SYT16: variants seen among roughly 807,000 people sequenced by gnomAD.
The protein encoded by SYT16 is synaptotagmin 16, also known as synaptotagmin-16.
SYT16 carries 42 observed loss-of-function variants against 61.4 expected under a neutral mutation model. The observed-to-expected ratio is 0.68, with a 90% CI of 0.53 to 0.89. The LOEUF (loss-of-function observed/expected upper bound fraction) is 0.89, where lower values mean the gene tolerates loss of function less well. Ranked by LOEUF, SYT16 falls within the 40% of genes least tolerant of loss-of-function variation. The pLI is 0.00. For missense variants in SYT16, 804 were observed against 807.3 expected, an observed-to-expected ratio of 1.00 and a Z score of 0.05; for synonymous variants, 314 against 302.3, an observed-to-expected ratio of 1.04 and a Z score of -0.40.
At chr14:61,897,086 G>A (rs552521695) in intron 1 of SYT16, among the ~76,000 whole-genome samples, 52 of 152,318 alleles carry the variant, frequency 3.4e-4, no homozygotes, top group Middle Eastern at 3.4e-3. Context: ...ACATTATGTG[G>A]AATTCAAGTT....
At chr14:62,000,955 A>C (rs185509666) in intron 3 of SYT16, among the ~76,000 whole-genome samples, 1 of 152,180 alleles carries the variant, frequency 6.6e-6, no homozygotes, top group East Asian at 1.9e-4. Flanking sequence ...ATAAGACAAA[A>C]AAAGGCTGAG....
chr14:62,103,978 A>T lies in SYT16; in HGVS notation c.*3271A>T, dbSNP rs2057468142. ...CAGCTTCTGCCTTTTCAATGTGTAGATTTCATGATATTTTACAAATTATTG... is the reference window on the plus strand; with the variant it reads ...CAGCTTCTGCCTTTTCAATGTGTAGTTTTCATGATATTTTACAAATTATTG... On this transcript the variant is annotated 3_prime_UTR_variant, in exon 8 of 8. Transcript: ENST00000683842. 6.6e-6 allele frequency: 1 copy of T among 152,178 alleles called. No individual in the cohort carries two copies. Among genetic ancestry groups the T allele is most frequent in the South Asian group, 2.1e-4 (1 of 4,828 alleles). 9.4% of individuals were successfully genotyped at this position (152,178 alleles called of 1,614,324 possible).
In SYT16 at chr14:62,100,763, T is replaced by G; in HGVS notation, c.*56T>G. 6.5e-7 allele frequency: 1 copy of G among 1,541,886 alleles called. No homozygotes were observed. The highest frequency in any genetic ancestry group is 8.8e-7 in the Non-Finnish European group (1 of 1,140,310). Reference sequence around the variant, plus strand: ...CACCTTGGTTACCTGTGTTGCTGTCTACTGACACTAAGTGTCCTGGCAAGG... The same window carrying G: ...CACCTTGGTTACCTGTGTTGCTGTCGACTGACACTAAGTGTCCTGGCAAGG... On this transcript the variant is annotated 3_prime_UTR_variant, in exon 8 of 8. Coordinates refer to ENST00000683842, the MANE Select transcript of SYT16 (RefSeq NM_001367656.1).
intron 3 of SYT16, among the ~76,000 whole-genome samples, chr14:62,034,580 A>G (rs1360397661): frequency 6.6e-6 from 1 of 152,166 alleles, no homozygotes; most frequent in East Asian, 1.9e-4. Context: ...CAACATGCAA[A>G]TGAAAGAAGT....
intron 3 of SYT16, among the ~76,000 whole-genome samples, chr14:62,003,237 C>T (rs947865286): frequency 6.6e-6 from 1 of 152,008 alleles, no homozygotes; most frequent in African/African-American, 2.4e-5. Context: ...GTTCCCCTTC[C>T]TCATGACTGT....
At chr14:61,946,465 T>A (rs2050442127) in intron 1 of SYT16, among the ~76,000 whole-genome samples, 1 of 152,194 alleles carries the variant, frequency 6.6e-6, no homozygotes. Context: ...GGATACAATT[T>A]TCACTATTCA....
intron 2 of SYT16, among the ~76,000 whole-genome samples, chr14:61,982,206 T>C (rs1239513505): frequency 1.3e-5 from 2 of 152,202 alleles, no homozygotes; most frequent in African/African-American, 2.4e-5. Context: ...GTAGTCCACA[T>C]AGAAACACTC....
At chr14:62,002,989 C>T (rs74716828) in intron 3 of SYT16, among the ~76,000 whole-genome samples, 6,971 of 152,088 alleles carry the variant, frequency 0.046, 181 homozygotes, top group African/African-American at 0.061. Context: ...TGAGAACTTA[C>T]ACATTATTAT....
downstream of SYT16, chr14:62,112,652 A>G (rs983283728): frequency 6.6e-6 from 1 of 152,218 alleles, no homozygotes; most frequent in South Asian, 2.1e-4. Context: ...TTTAGTATAT[A>G]CAAAAACCAT....
intron 1 of SYT16, among the ~76,000 whole-genome samples, chr14:61,916,967 C>G (rs1314898874): frequency 1.3e-5 from 2 of 152,098 alleles, no homozygotes; most frequent in Non-Finnish European, 2.9e-5. Context: ...ATATATGACA[C>G]ATTTTCTTTA....
At chr14:62,000,254 A>G (rs966022583) in intron 3 of SYT16, among the ~76,000 whole-genome samples, 2 of 151,232 alleles carry the variant, frequency 1.3e-5, no homozygotes, top group East Asian at 3.9e-4. Flanking sequence ...AGCTCTGTTA[A>G]GTACGTACAT....
intron 1 of SYT16, among the ~76,000 whole-genome samples, chr14:61,957,782 TTTGTCTGGTG>T (rs1054739518): frequency 5.8e-4 from 88 of 152,040 alleles, no homozygotes; most frequent in African/African-American, 2.1e-3. Flanking sequence ...TTGTGGTGGT[TTTGTCTGGTG>T]TTGGTATTTG....
chr14:62,000,222 G>A (rs952989788), intron 3 of SYT16, among the ~76,000 whole-genome samples: 1 of 142,954 alleles, frequency 7.0e-6, no homozygotes, highest in Non-Finnish European at 1.5e-5. Flanking sequence ...ATTTCTGTCA[G>A]TTTTTGCTTT....
intron 1 of SYT16, among the ~76,000 whole-genome samples, chr14:61,817,187 C>A (rs1032704332): frequency 2.0e-5 from 3 of 151,696 alleles, no homozygotes; most frequent in Non-Finnish European, 4.4e-5. Context: ...GAGGCCGAGG[C>A]GGGTGGATCG....
chr14:62,051,260 C>T (rs1053517310), intron 3 of SYT16, among the ~76,000 whole-genome samples: 5 of 152,246 alleles, frequency 3.3e-5, no homozygotes, highest in African/African-American at 1.2e-4. Context: ...CGGCTTAGGA[C>T]CCTCCGAGCC....
rs761115481 is a variant in SYT16 at position 61,996,477 on chromosome 14, G to A, written c.458G>A (p.Gly153Asp). Residue 153 changes from glycine (G) to aspartate (D), a missense_variant, in exon 3 of 8, where the codon GGC becomes GAC. By Grantham distance (94) the Gly-to-Asp change is moderately conservative. Transcript: ENST00000683842. The stretch of plus-strand genomic sequence containing the variant: ...CATCACCTTGAAAAGCAAAGAAGTG[G>A]CCTTCAACATGGCTTTGACAGCCAG... The part of the protein sequence containing the change: ...EEHHLEKQRS[G>D]LQHGFDSQLP... 1 of 1,613,228 alleles carries A rather than the reference G, an allele frequency of 6.2e-7. No individual in the cohort carries two copies.
intron 1 of SYT16, among the ~76,000 whole-genome samples, chr14:61,886,632 C>G (rs769682915): frequency 6.6e-6 from 1 of 152,196 alleles, no homozygotes; most frequent in Non-Finnish European, 1.5e-5. Flanking sequence ...ACGTCTAATT[C>G]CAGTTCTCGT....
intron 1 of SYT16, among the ~76,000 whole-genome samples, chr14:61,936,078 T>C (rs1317152345): frequency 6.6e-6 from 1 of 152,090 alleles, no homozygotes; most frequent in Non-Finnish European, 1.5e-5. Flanking sequence ...TTGAGATAAG[T>C]TTACATATTA....
intron 1 of SYT16, among the ~76,000 whole-genome samples, chr14:61,862,203 A>G (rs933946765): frequency 1.3e-5 from 2 of 152,186 alleles, no homozygotes; most frequent in African/African-American, 4.8e-5. Context: ...TGAAACTACC[A>G]CCACATTCAT....
Sources: gnomAD v4.1 joint callset for allele counts (sites outside exome capture counted in the v4.1 genomes callset) on GRCh38, gnomAD v4.1.1 for gene constraint, MANE v1.5 for transcripts, NCBI Gene and HGNC (gene_info 2026-07-23, HGNC 2026-07-21) for gene names.